The following CPA6 variants were observed in gnomAD, a reference collection of about 807,000 sequenced individuals.
CPA6 encodes carboxypeptidase A6.
In CPA6, 58 loss-of-function variants were observed where a neutral mutation model predicts 63.3. The ratio of observed to expected loss-of-function variants is 0.92; its 90% CI spans 0.74 to 1.14. The LOEUF is 1.14. CPA6 is among the 50% of genes most tolerant of loss of function. The pLI is 0.00. For missense variants in CPA6, 565 were observed against 526.6 expected (o/e 1.07, Z -0.71); for synonymous variants, 185 against 179.0 (o/e 1.03, Z -0.27).
intron 1 of CPA6, among the ~76,000 whole-genome samples, chr8:67,627,292 T>C (rs973472956): frequency 1.3e-5 from 2 of 152,288 alleles, no homozygotes; most frequent in African/African-American, 2.4e-5. Context: ...CTAAATCTGA[T>C]AGCTAGTGTT....
At chr8:67,430,549 T>C (rs938134143) in intron 9 of CPA6, among the ~76,000 whole-genome samples, 21 of 152,240 alleles carry the variant, frequency 1.4e-4, no homozygotes, top group African/African-American at 5.1e-4. Flanking sequence ...GGAATGTTTT[T>C]AAACAATTTT....
chr8:67,557,104 A>G (rs1167276841), intron 2 of CPA6, among the ~76,000 whole-genome samples: 1 of 152,160 alleles, frequency 6.6e-6, no homozygotes, highest in Non-Finnish European at 1.5e-5. Context: ...TCTTTGGTTT[A>G]TATAATAGGA....
At chr8:67,717,248 C>A (rs1817401357) in intron 1 of CPA6, among the ~76,000 whole-genome samples, 1 of 152,056 alleles carries the variant, frequency 6.6e-6, no homozygotes, top group African/African-American at 2.4e-5. Context: ...TGTTTTCAAT[C>A]CAAATTGCAC....
intron 2 of CPA6, among the ~76,000 whole-genome samples, chr8:67,543,443 G>A (rs1812747536): frequency 6.6e-6 from 1 of 152,134 alleles, no homozygotes. Flanking sequence ...ATTATATGCT[G>A]TCGGTTGAAC....
chr8:67,657,055 C>T (rs1371508414), intron 1 of CPA6, among the ~76,000 whole-genome samples: 2 of 152,174 alleles, frequency 1.3e-5, no homozygotes, highest in Non-Finnish European at 2.9e-5. Context: ...ATTTATTTTG[C>T]TTAAACACAT....
intron 2 of CPA6, among the ~76,000 whole-genome samples, chr8:67,547,372 C>A (rs1812840859): frequency 6.6e-6 from 1 of 152,108 alleles, no homozygotes; most frequent in Admixed American, 6.5e-5. Flanking sequence ...ATGAACTATA[C>A]CTGATTCACT....
chr8:67,715,501 C>A (rs1215678220), intron 1 of CPA6, among the ~76,000 whole-genome samples: 1 of 152,224 alleles, frequency 6.6e-6, no homozygotes, highest in Non-Finnish European at 1.5e-5. Flanking sequence ...CACATGCCCA[C>A]ACCAGCTGTG....
At chr8:67,704,317 T>C (rs148886205) in intron 1 of CPA6, among the ~76,000 whole-genome samples, 2,613 of 152,268 alleles carry the variant, frequency 0.017, 36 homozygotes, top group Non-Finnish European at 0.026. Context: ...AAGGTCATAT[T>C]TGAAGGGAGG....
At chr8:67,435,648 G>A (rs979122459) in intron 8 of CPA6, among the ~76,000 whole-genome samples, 1 of 150,818 alleles carries the variant, frequency 6.6e-6, no homozygotes, top group African/African-American at 2.5e-5. Flanking sequence ...GTGTGTGTGT[G>A]TATGTGTCTG....
intron 8 of CPA6, among the ~76,000 whole-genome samples, chr8:67,475,828 TTTC>T (rs1405920185): frequency 0.029 from 1,525 of 51,784 alleles, 41 homozygotes; most frequent in African/African-American, 0.055. Flanking sequence ...CTTTCTTTTC[TTTC>T]TTTCTTTCTT....
intron 2 of CPA6, among the ~76,000 whole-genome samples, chr8:67,613,936 G>T (rs1814874662): frequency 6.6e-6 from 1 of 152,160 alleles, no homozygotes; most frequent in African/African-American, 2.4e-5. Context: ...AGTTCGGCTG[G>T]TGGGTCGTCG....
intron 1 of CPA6, among the ~76,000 whole-genome samples, chr8:67,649,326 A>G (rs1351813005): frequency 6.6e-6 from 1 of 152,220 alleles, no homozygotes; most frequent in Non-Finnish European, 1.5e-5. Context: ...AACTGACTGA[A>G]CTAAAGAGTC....
chr8:67,548,146 TCC>T (rs1491197623), intron 2 of CPA6, among the ~76,000 whole-genome samples: 4 of 34,918 alleles, frequency 1.1e-4, no homozygotes, highest in Admixed American at 3.9e-4. Flanking sequence ...TCTCTCTCTC[TCC>T]CTCTCATCCT....
At chr8:67,525,675 A>G (rs1812345429) in intron 2 of CPA6, among the ~76,000 whole-genome samples, 1 of 152,240 alleles carries the variant, frequency 6.6e-6, no homozygotes, top group Admixed American at 6.5e-5. Flanking sequence ...TATTTCCCTG[A>G]ACTACCAATT....
intron 10 of CPA6, among the ~76,000 whole-genome samples, chr8:67,426,637 T>G (rs1234348893): frequency 6.6e-6 from 1 of 152,154 alleles, no homozygotes; most frequent in East Asian, 1.9e-4. Flanking sequence ...AAGTGAGTGG[T>G]AAAACATTAG....
At chr8:67,669,575 C>A (rs574836717) in intron 1 of CPA6, among the ~76,000 whole-genome samples, 16 of 152,256 alleles carry the variant, frequency 1.1e-4, no homozygotes, top group Non-Finnish European at 1.9e-4. Flanking sequence ...ATTCAGAAAT[C>A]ATTCTATTAA....
At chr8:67,623,713 C>T (rs1815133370) in intron 2 of CPA6, among the ~76,000 whole-genome samples, 1 of 152,136 alleles carries the variant, frequency 6.6e-6, no homozygotes, top group Admixed American at 6.5e-5. Context: ...AGACTACAGG[C>T]ATGAGCCACT....
chr8:67,481,254 T>C (rs1811354914), intron 8 of CPA6, among the ~76,000 whole-genome samples: 1 of 152,200 alleles, frequency 6.6e-6, no homozygotes, highest in South Asian at 2.1e-4. Context: ...TTAAAAAGAG[T>C]GCACAGAGGA....
rs548059981 is a variant in CPA6 at position 67,575,432 on chromosome 8, A to C, written c.192+48744T>G. Among the ~76,000 whole-genome samples, 393 of 152,326 alleles carry C rather than the reference A, an allele frequency of 2.6e-3. 1 individual carries two copies. Among genetic ancestry groups the C allele is most frequent in the Non-Finnish European group, 4.8e-3 (328 of 68,024 alleles). On this transcript the variant is annotated intron_variant, in intron 2 of 10. Coordinates refer to ENST00000297770, the MANE Select transcript of CPA6 (RefSeq NM_020361.5). Reference sequence around the variant, plus strand: ...GTCAGTATGTCAAAGACATGTCTACACTCCTATTCATTGCAGCCCTATTCA... The same window carrying C: ...GTCAGTATGTCAAAGACATGTCTACCCTCCTATTCATTGCAGCCCTATTCA...
Sources: gnomAD v4.1 joint callset for allele counts (sites outside exome capture counted in the v4.1 genomes callset) on GRCh38, gnomAD v4.1.1 for gene constraint, MANE v1.5 for transcripts, NCBI Gene and HGNC (gene_info 2026-07-23, HGNC 2026-07-21) for gene names.